The following COQ9 variants were observed in gnomAD, a reference collection of about 807,000 sequenced individuals.
COQ9 encodes the protein coenzyme Q9, also known as ubiquinone biosynthesis protein COQ9, mitochondrial.
In COQ9, 35 loss-of-function variants were observed where a neutral mutation model predicts 42.4. The ratio of observed to expected loss-of-function variants is 0.83; its 90% CI spans 0.63 to 1.10. The LOEUF (loss-of-function observed/expected upper bound fraction) is 1.10. COQ9 is among the 50% of genes least tolerant of loss of function. The probability of loss-of-function intolerance (pLI) is 0.00; values close to 1 mark genes in which losing one functional copy is unlikely to be tolerated. For missense variants in COQ9, 406 were observed against 414.6 expected (o/e 0.98, Z 0.18); for synonymous variants, 155 against 155.1 (o/e 1.00, Z 0.00).
chr16:57,456,869 C>A, intron 4 of COQ9, 62 bp from the exon 5 acceptor site: 4 of 1,468,520 alleles, frequency 2.7e-6, no homozygotes, highest in Non-Finnish European at 3.8e-6. Flanking sequence ...CTGAGTAAAC[C>A]GTGGAGCACT....
At position 57,460,794 on chromosome 16, in the gene COQ9, C is replaced by T. The variant is rs553993142; in HGVS notation, c.*170C>T. 5.1e-5 allele frequency: 34 copies of T among 668,858 alleles called. No individual in the cohort carries two copies. Among genetic ancestry groups the T allele is most frequent in the South Asian group, 4.7e-4 (28 of 59,306 alleles). The allele number at this position is 668,858 out of a possible 1,614,324, so 41.4% of individuals were successfully genotyped here. On this transcript the variant is annotated 3_prime_UTR_variant, in exon 9 of 9. Transcript: ENST00000262507. ...GAAACCACAAGGCATTTGATGCTACCGTTCTGGTCAGGGATTGGGCTGCTT... is the reference window on the plus strand; with the variant it reads ...GAAACCACAAGGCATTTGATGCTACTGTTCTGGTCAGGGATTGGGCTGCTT...
chr16:57,459,932 G>A (rs941153871), intron 7 of COQ9, 119 bp from the exon 8 acceptor site: 1 of 1,052,638 alleles, frequency 9.5e-7, no homozygotes, highest in Non-Finnish European at 1.5e-6. Flanking sequence ...TCTCCTTCCA[G>A]TAACGTGGCC....
At chr16:57,459,475 C>T in intron 6 of COQ9, 90 bp from the exon 7 acceptor site, 1 of 1,361,744 alleles carries the variant, frequency 7.3e-7, no homozygotes, top group Non-Finnish European at 1.0e-6. Context: ...AAGAAGTAGT[C>T]AAGAGGGAAC....
intron 2 of COQ9, 115 bp from the exon 3 acceptor site, chr16:57,452,686 G>T: frequency 8.2e-7 from 1 of 1,212,814 alleles, no homozygotes; most frequent in Non-Finnish European, 1.2e-6. Context: ...AGTGACACAA[G>T]AGTAAATGTC....
intron 3 of COQ9, among the ~76,000 whole-genome samples, chr16:57,455,966 G>A (rs2030393308): frequency 6.6e-6 from 1 of 152,030 alleles, no homozygotes; most frequent in Non-Finnish European, 1.5e-5. Flanking sequence ...GTGGTCCCAG[G>A]CTAAGATGGG....
intron 1 of COQ9, 132 bp from the exon 2 acceptor site, chr16:57,450,908 G>A (rs2030269975): frequency 1.0e-6 from 1 of 1,000,516 alleles, no homozygotes. Context: ...TTTTGTGTGG[G>A]ACCCAACACT....
chr16:57,453,103 G>T, intron 3 of COQ9, 167 bp downstream of exon 3: 2 of 833,978 alleles, frequency 2.4e-6, no homozygotes, highest in Non-Finnish European at 3.9e-6. Flanking sequence ...GCTTTATTTT[G>T]TAGTTATAAA....
chr16:57,447,587 G>T lies in COQ9; in HGVS notation c.73+9G>T. 7.9e-7 allele frequency: 1 copy of T among 1,264,302 alleles called. No homozygotes were observed. Among genetic ancestry groups the T allele is most frequent in the Non-Finnish European group, 1.0e-6 (1 of 1,002,276 alleles). 78.3% of individuals were successfully genotyped at this position (1,264,302 alleles called of 1,614,324 possible). The stretch of plus-strand genomic sequence containing the variant: ...GCTGCGATGCCTGCCCGGTGAGGGG[G>T]CTGCCAAGCCGGGGAGAGGCGGGGA... On this transcript the variant is annotated intron_variant, in intron 1 of 8. Transcript: ENST00000262507.
At chr16:57,450,195 C>G (rs1329038800) in intron 1 of COQ9, among the ~76,000 whole-genome samples, 1 of 152,112 alleles carries the variant, frequency 6.6e-6, no homozygotes, top group Non-Finnish European at 1.5e-5. Flanking sequence ...CGGGCGATCA[C>G]TTGAGGTCAG....
In COQ9 at chr16:57,452,937, G is replaced by T. The variant is rs752983308; in HGVS notation, c.378+1G>T. On this transcript the variant is annotated splice_donor_variant, in intron 3 of 8. Transcript: ENST00000262507. LOFTEE classifies it high-confidence loss of function. ...AGAGGCGATTGCAGAAGGAGCCCAG[G>T]TGTGTATAGGTGAGGGTGGGGCCAC... 6.2e-7 allele frequency: 1 copy of T among 1,613,390 alleles called. No individual in the cohort carries two copies. Among genetic ancestry groups the T allele is most frequent in the South Asian group, 1.1e-5 (1 of 91,046 alleles).
At position 57,456,930 on chromosome 16, in the gene COQ9, G is replaced by A. The variant is rs747898678; in HGVS notation, c.522-1G>A. On this transcript the variant is annotated splice_acceptor_variant, in intron 4 of 8. Transcript: ENST00000262507. LOFTEE classifies it high-confidence loss of function. ...ACACTGTTTTCTTTTCCCTCTTCCA[G>A]GAAGAGGAAGACAGACCAGTTCCTG... 8.1e-6 allele frequency: 13 copies of A among 1,612,472 alleles called. No homozygotes were observed. Among genetic ancestry groups the A allele is most frequent in the Non-Finnish European group, 1.0e-5 (12 of 1,178,620 alleles).
At chr16:57,447,621 G>T in intron 1 of COQ9, 43 bp downstream of exon 1, 1 of 1,234,470 alleles carries the variant, frequency 8.1e-7, no homozygotes, top group Non-Finnish European at 1.0e-6. Flanking sequence ...GAGCGCGGAG[G>T]GGGCGCGAGG....
chr16:57,457,515 T>G (rs1205311060), intron 5 of COQ9: 5 of 271,492 alleles, frequency 1.8e-5, no homozygotes, highest in African/African-American at 1.1e-4. Flanking sequence ...TATCACAGTA[T>G]GGGCCATTCT....
chr16:57,457,619 G>A lies in COQ9; in HGVS notation c.606+604G>A, dbSNP rs115466964. On this transcript the variant is annotated intron_variant, in intron 5 of 8. Coordinates refer to ENST00000262507, the MANE Select transcript of COQ9 (RefSeq NM_020312.4). ...GCTCAGCTGGAAGACTACTAAGCAC[G>A]TAGTTTCAGTCATTCAGTTGATAGA... Among the ~76,000 whole-genome samples the A allele has an allele frequency of 7.9e-3, 1,205 of 152,310 alleles. 13 individuals are homozygous for A. Among genetic ancestry groups the A allele is most frequent in the African/African-American group, 0.027 (1,133 of 41,560 alleles).
At chr16:57,458,514 C>T (rs2030456092) in intron 6 of COQ9, among the ~76,000 whole-genome samples, 164 bp downstream of exon 6, 1 of 152,238 alleles carries the variant, frequency 6.6e-6, no homozygotes, top group Non-Finnish European at 1.5e-5. Context: ...AAAGTGGGAT[C>T]TAGGTCATCT....
chr16:57,459,874 A>G (rs1279333033), intron 7 of COQ9, among the ~76,000 whole-genome samples, 154 bp downstream of exon 7: 1 of 120,860 alleles, frequency 8.3e-6, no homozygotes, highest in Non-Finnish European at 1.7e-5. Flanking sequence ...GCCCTTCCCT[A>G]AGAGCCACAC....
At chr16:57,460,241 C>A in intron 8 of COQ9, 137 bp downstream of exon 8, 1 of 965,702 alleles carries the variant, frequency 1.0e-6, no homozygotes. Context: ...AATGGTTCAG[C>A]CCTAGTGTCT....
chr16:57,447,846 G>A (rs1041552816), intron 1 of COQ9: 4 of 357,246 alleles, frequency 1.1e-5, no homozygotes, highest in Non-Finnish European at 2.0e-5. Context: ...GGGTACGAAA[G>A]TCACGCAGCC....
intron 2 of COQ9, among the ~76,000 whole-genome samples, 190 bp from the exon 3 acceptor site, chr16:57,452,611 C>T (rs2030313058): frequency 6.6e-6 from 1 of 152,204 alleles, no homozygotes; most frequent in South Asian, 2.1e-4. Flanking sequence ...CACTGGACTC[C>T]AGCCTGGGCG....
Sources: gnomAD v4.1 joint callset for allele counts (sites outside exome capture counted in the v4.1 genomes callset) on GRCh38, gnomAD v4.1.1 for gene constraint, MANE v1.5 for transcripts, NCBI Gene and HGNC (gene_info 2026-07-23, HGNC 2026-07-21) for gene names.